XRN1: variants seen among roughly 807,000 people sequenced by gnomAD.
XRN1 encodes the protein 5'-3' exoribonuclease 1.
In XRN1, 67 loss-of-function variants were observed where a neutral mutation model predicts 222.3. The ratio of observed to expected loss-of-function variants is 0.30; its 90% CI spans 0.25 to 0.37. The LOEUF (loss-of-function observed/expected upper bound fraction) is 0.37, where lower values mean the gene tolerates loss of function less well. Ranked by LOEUF, XRN1 falls within the 10% of genes least tolerant of loss-of-function variation. The probability of loss-of-function intolerance (pLI) is 1.00; values close to 1 mark genes in which losing one functional copy is unlikely to be tolerated. For synonymous variants in XRN1, 643 were observed against 652.4 expected (o/e 0.99, Z 0.22); for missense variants, 1,707 against 2,000.2 (o/e 0.85, Z 2.80).
chr3:142,313,214 T>A (rs759724311), intron 39 of XRN1: 51 of 1,596,094 alleles, frequency 3.2e-5, no homozygotes, highest in African/African-American at 8.1e-5. Flanking sequence ...TGAAATCTCA[T>A]CACCTTCATA....
At chr3:142,402,528 C>T (rs2068182075) in intron 18 of XRN1, among the ~76,000 whole-genome samples, 1 of 152,136 alleles carries the variant, frequency 6.6e-6, no homozygotes, top group Non-Finnish European at 1.5e-5. Context: ...TCAGAGAACA[C>T]AAAATACGTC....
At chr3:142,356,831 T>C in intron 31 of XRN1, 81 bp downstream of exon 31, 4 of 1,422,746 alleles carry the variant, frequency 2.8e-6, no homozygotes, top group South Asian at 2.6e-5. Context: ...CTAAGTTAAA[T>C]TAGGTTTACA....
intron 23 of XRN1, among the ~76,000 whole-genome samples, chr3:142,378,429 T>G (rs904412748): frequency 9.2e-5 from 14 of 152,134 alleles, no homozygotes; most frequent in African/African-American, 3.1e-4. Flanking sequence ...AGAATTATCT[T>G]CAGAGAAATA....
chr3:142,360,553 CTT>C (rs201339689), intron 29 of XRN1, among the ~76,000 whole-genome samples: 1 of 150,128 alleles, frequency 6.7e-6, no homozygotes, highest in African/African-American at 2.4e-5. Context: ...AGGGCATGTA[CTT>C]TTTTAAAAAA....
At chr3:142,384,339 CTGAG>C (rs2067418011) in intron 21 of XRN1, among the ~76,000 whole-genome samples, 180 bp downstream of exon 21, 1 of 149,832 alleles carries the variant, frequency 6.7e-6, no homozygotes, top group Non-Finnish European at 1.5e-5. Flanking sequence ...ACTATATATA[CTGAG>C]TGTCTGAGCA....
rs773712471 is a variant in XRN1 at position 142,422,598 on chromosome 3, G to A, written c.951C>T (p.Ile317=). 3.7e-6 allele frequency: 6 copies of A among 1,613,340 alleles called. No individual in the cohort carries two copies. The East Asian group carries it at 1.1e-4, about 30-fold the overall frequency. The change falls in exon 8 of 41, where the codon ATC becomes ATT. Residue 317 remains isoleucine (I), a synonymous_variant. Transcript: ENST00000392981. ...TCTTCTTACCCCCAAGTTCTGGCAG[G>A]ATGGTAACATATGTTCCATAAAGAA... is the stretch of plus-strand genomic sequence containing the variant. ...LPLLYGTYVT[I]LPELGGYINE...
At chr3:142,420,960 T>C in intron 10 of XRN1, 56 bp downstream of exon 10, 1 of 1,600,800 alleles carries the variant, frequency 6.2e-7, no homozygotes, top group Non-Finnish European at 8.5e-7. Context: ...AAACAAAGAA[T>C]ATAATTTTTG....
intron 39 of XRN1, among the ~76,000 whole-genome samples, chr3:142,315,112 C>G (rs977666203): frequency 1.1e-4 from 17 of 151,476 alleles, no homozygotes; most frequent in Non-Finnish European, 1.8e-4. Flanking sequence ...TTTTTTCCAT[C>G]TTTTGTAGCA....
At chr3:142,328,683 A>G (rs1323514411) in intron 37 of XRN1, among the ~76,000 whole-genome samples, 1 of 124,810 alleles carries the variant, frequency 8.0e-6, no homozygotes, top group East Asian at 2.5e-4. Flanking sequence ...ATTAATAAAC[A>G]TATAGGTTTA....
At chr3:142,397,672 AT>A (rs2067980349) in intron 19 of XRN1, among the ~76,000 whole-genome samples, 1 of 152,184 alleles carries the variant, frequency 6.6e-6, no homozygotes, top group African/African-American at 2.4e-5. Flanking sequence ...TTTCATTCAA[AT>A]TTTAAAAGCA....
At chr3:142,434,652 A>T (rs1356474585) in intron 1 of XRN1, among the ~76,000 whole-genome samples, 1 of 151,954 alleles carries the variant, frequency 6.6e-6, no homozygotes, top group African/African-American at 2.4e-5. Context: ...TAGCTACTTG[A>T]GAGACTGAAG....
intron 32 of XRN1, among the ~76,000 whole-genome samples, chr3:142,352,272 C>T (rs2066330076): frequency 6.6e-6 from 1 of 152,256 alleles, no homozygotes; most frequent in South Asian, 2.1e-4. Flanking sequence ...GGGTTTGAAC[C>T]CAGTTTATAC....
At chr3:142,373,538 C>T (rs182840045) in intron 25 of XRN1, among the ~76,000 whole-genome samples, 2 of 152,276 alleles carry the variant, frequency 1.3e-5, no homozygotes, top group Admixed American at 6.5e-5. Context: ...CCAAGGCACA[C>T]ATCCTTACAT....
intron 29 of XRN1, among the ~76,000 whole-genome samples, chr3:142,360,335 G>A (rs2066580206): frequency 6.6e-6 from 1 of 152,126 alleles, no homozygotes; most frequent in Non-Finnish European, 1.5e-5. Flanking sequence ...ATATTTGTGA[G>A]ATTCACCCAC....
intron 32 of XRN1, among the ~76,000 whole-genome samples, chr3:142,351,481 T>C (rs573876788): frequency 6.6e-6 from 1 of 152,088 alleles, no homozygotes; most frequent in African/African-American, 2.4e-5. Context: ...TTCCATAAAG[T>C]GATGGGAATG....
intron 1 of XRN1, among the ~76,000 whole-genome samples, chr3:142,445,514 G>T (rs1367067489): frequency 6.6e-6 from 1 of 152,038 alleles, no homozygotes; most frequent in African/African-American, 2.4e-5. Flanking sequence ...AGAGGTTCAG[G>T]GAATATAAGT....
At chr3:142,368,640 T>G (rs546838385) in intron 27 of XRN1, among the ~76,000 whole-genome samples, 2 of 152,308 alleles carry the variant, frequency 1.3e-5, no homozygotes, top group African/African-American at 4.8e-5. Flanking sequence ...AAAATGATGC[T>G]GAACAAACTG....
chr3:142,447,912 T>C lies in XRN1; in HGVS notation c.33A>G (p.Ser11=). 1 of 1,614,038 alleles carries C rather than the reference T, an allele frequency of 6.2e-7. No homozygotes were observed. The highest frequency in any genetic ancestry group is 1.1e-5 in the South Asian group (1 of 91,068). The change falls in exon 1 of 41, where the codon TCA becomes TCG. Residue 11 remains serine, a synonymous_variant. Coordinates refer to ENST00000392981, the MANE Select transcript of XRN1 (RefSeq NM_001282857.2). The surrounding 1 kb of genome is among the most constrained non-coding windows in gnomAD (Gnocchi z 4.2). Reference sequence around the variant, plus strand: ...CTTCGCTGAGACAGGGATACCGCTCTGAGATCCATCTGTAAAACTTGGGGA... The same window carrying C: ...CTTCGCTGAGACAGGGATACCGCTCCGAGATCCATCTGTAAAACTTGGGGA... MGVPKFYRWI[S]ERYPCLSEVV...
intron 1 of XRN1, chr3:142,435,061 T>A (rs533040714): frequency 6.6e-6 from 1 of 152,282 alleles, no homozygotes; most frequent in East Asian, 1.9e-4. Context: ...TATAATTCAA[T>A]TAAAAATGAC....
Sources: gnomAD v4.1 joint callset for allele counts (sites outside exome capture counted in the v4.1 genomes callset) on GRCh38, gnomAD v4.1.1 for gene constraint, Gnocchi (gnomAD v3.1) non-coding constraint, MANE v1.5 for transcripts, NCBI Gene and HGNC (gene_info 2026-07-23, HGNC 2026-07-21) for gene names.